Variants in NACC2 observed in about 807,000 individuals in gnomAD.
NACC2 encodes nucleus accumbens-associated protein 2.
In NACC2, 8 loss-of-function variants were observed where a neutral mutation model predicts 25.1. That is an observed-to-expected ratio of 0.32 (90% CI 0.19 to 0.57). NACC2 has a LOEUF of 0.57. Among genes scored for constraint, NACC2 ranks in the 20% least tolerant of loss-of-function variants. The probability of loss-of-function intolerance (pLI) is 0.89; values close to 1 mark genes in which losing one functional copy is unlikely to be tolerated. For missense variants in NACC2, 644 were observed against 650.2 expected (o/e 0.99, Z 0.10); for synonymous variants, 435 against 294.7 (o/e 1.48, Z -4.88).
intron 2 of NACC2, among the ~76,000 whole-genome samples, chr9:136,029,101 A>C (rs1384280154): frequency 6.6e-6 from 1 of 152,232 alleles, no homozygotes; most frequent in Non-Finnish European, 1.5e-5. Flanking sequence ...AATGGCCTGA[A>C]GCCCAGGGCC....
At position 136,018,095 on chromosome 9, in the gene NACC2, G is replaced by C. The variant is rs745366824; in HGVS notation, c.887-1666C>G. Among the ~76,000 whole-genome samples, 22 of 152,172 alleles carry C rather than the reference G, an allele frequency of 1.4e-4. No homozygotes were observed. Among genetic ancestry groups the C allele is most frequent in the Non-Finnish European group, 2.9e-4 (20 of 68,004 alleles). The stretch of plus-strand genomic sequence containing the variant: ...GGGTGGGGTGGAACCTGCACGTCCA[G>C]CAGGCTCGGGGCAGGCAGCTCCATG... On this transcript the variant is annotated intron_variant, in intron 2 of 5. Transcript: ENST00000277554. The surrounding 1 kb of genome is among the most constrained non-coding windows in gnomAD (Gnocchi z 4.4).
In NACC2 at chr9:136,018,919, G is replaced by A. The variant is rs1241927231; in HGVS notation, c.887-2490C>T. Among the ~76,000 whole-genome samples, 1 of 152,042 alleles carries A rather than the reference G, an allele frequency of 6.6e-6. No homozygotes were observed. The highest frequency in any genetic ancestry group is 1.9e-4 in the East Asian group (1 of 5,152). On this transcript the variant is annotated intron_variant, in intron 2 of 5. Coordinates refer to ENST00000277554, the MANE Select transcript of NACC2 (RefSeq NM_144653.5). The surrounding 1 kb of genome is among the most constrained non-coding windows in gnomAD (Gnocchi z 4.4). ...ATAATTCCCCATCCACAACCACCTC[G>A]TCTCGAGATGTTTTTCTAAACAGCA...
intron 1 of NACC2, among the ~76,000 whole-genome samples, chr9:136,068,740 A>C (rs527547967): frequency 6.6e-6 from 1 of 151,804 alleles, no homozygotes; most frequent in South Asian, 2.1e-4. Context: ...AAATAAAAAC[A>C]CAGATAAACC....
chr9:136,069,780 C>G (rs549927641), intron 1 of NACC2, among the ~76,000 whole-genome samples: 1 of 151,914 alleles, frequency 6.6e-6, no homozygotes, highest in South Asian at 2.1e-4. Flanking sequence ...ACACAGCAAT[C>G]CTAAATGTCC....
intron 2 of NACC2, among the ~76,000 whole-genome samples, chr9:136,024,984 A>C (rs1042631673): frequency 6.6e-6 from 1 of 152,230 alleles, no homozygotes; most frequent in Non-Finnish European, 1.5e-5. Context: ...CTGACTACTA[A>C]GTAGCCATGC....
intron 2 of NACC2, among the ~76,000 whole-genome samples, chr9:136,029,386 T>C (rs1458521835): frequency 2.6e-5 from 4 of 152,178 alleles, no homozygotes; most frequent in Non-Finnish European, 5.9e-5. Flanking sequence ...TGTCCCTCAA[T>C]AAAGCATTTC....
intron 3 of NACC2, among the ~76,000 whole-genome samples, chr9:136,014,868 C>T (rs766138829): frequency 7.9e-5 from 12 of 152,202 alleles, no homozygotes; most frequent in Non-Finnish European, 1.6e-4. Context: ...AGGTGTCCCA[C>T]CAGGGTCTGG....
intron 1 of NACC2, among the ~76,000 whole-genome samples, chr9:136,091,529 G>A (rs1830433566): frequency 6.6e-6 from 1 of 152,242 alleles, no homozygotes; most frequent in African/African-American, 2.4e-5. Flanking sequence ...GATCCCCTGT[G>A]TGGACAGGGG....
intron 1 of NACC2, among the ~76,000 whole-genome samples, chr9:136,071,283 G>A (rs1038449656): frequency 1.1e-4 from 16 of 151,236 alleles, no homozygotes; most frequent in African/African-American, 2.9e-4. Context: ...GGTGGCTCAC[G>A]CCTATAATCC....
At chr9:136,061,842 G>A (rs1266125254) in intron 1 of NACC2, among the ~76,000 whole-genome samples, 5 of 152,132 alleles carry the variant, frequency 3.3e-5, no homozygotes, top group African/African-American at 7.2e-5. Flanking sequence ...GTTGGTGGCC[G>A]GGCGCGGTGG....
At chr9:136,016,575 C>A in intron 2 of NACC2, 146 bp from the exon 3 acceptor site, 2 of 929,494 alleles carry the variant, frequency 2.2e-6, no homozygotes. Flanking sequence ...CTGTGCCGCT[C>A]TCCTGCTGGC....
At chr9:136,094,481 G>A (rs896035097) in intron 1 of NACC2, among the ~76,000 whole-genome samples, 1 of 151,962 alleles carries the variant, frequency 6.6e-6, no homozygotes, top group African/African-American at 2.4e-5. Context: ...TGCGGGGTGC[G>A]CGGCGGGCCC....
At chr9:136,014,306 C>T (rs531276116) in intron 3 of NACC2, among the ~76,000 whole-genome samples, 47 of 152,134 alleles carry the variant, frequency 3.1e-4, no homozygotes, top group Admixed American at 2.7e-3. Context: ...CCCAAGAACA[C>T]ACTTTGTTGT....
chr9:136,013,337 G>A lies in NACC2; in HGVS notation c.1158-41C>T. On this transcript the variant is annotated intron_variant, in intron 4 of 5. Coordinates refer to ENST00000277554, the MANE Select transcript of NACC2 (RefSeq NM_144653.5). The surrounding 1 kb of genome is among the most constrained non-coding windows in gnomAD (Gnocchi z 6.6). ...GAAAGGCAGGCAGGGTGAGGATGAT[G>A]GGGAGGGTACCTGGAGGCGACCCGC... 6.3e-7 allele frequency: 1 copy of A among 1,580,954 alleles called. No individual in the cohort carries two copies. Among genetic ancestry groups the A allele is most frequent in the Non-Finnish European group, 8.7e-7 (1 of 1,154,314 alleles).
At chr9:136,079,567 G>A (rs540907351) in intron 1 of NACC2, among the ~76,000 whole-genome samples, 19 of 152,286 alleles carry the variant, frequency 1.2e-4, no homozygotes, top group African/African-American at 4.6e-4. Flanking sequence ...GAAGGAACAG[G>A]CTGACTCACT....
chr9:136,021,878 T>C (rs775477660), intron 2 of NACC2, among the ~76,000 whole-genome samples: 9 of 152,242 alleles, frequency 5.9e-5, no homozygotes, highest in Admixed American at 4.6e-4. Context: ...TGTATGACAT[T>C]GTCCAGGAAA....
rs1298400005 is a variant in NACC2 at position 136,018,575 on chromosome 9, C to T, written c.887-2146G>A. The stretch of plus-strand genomic sequence containing the variant: ...CGTGGTACGCACTGCACCTGTCAGT[C>T]CCAGGAAGGGGAGCTTCCCAAGGCC... On this transcript the variant is annotated intron_variant, in intron 2 of 5. Transcript: ENST00000277554. This position sits in a 1 kb window ranked among gnomAD's most constrained non-coding sequence, Gnocchi z 4.4. Among the ~76,000 whole-genome samples the T allele has an allele frequency of 6.6e-6, 1 of 152,038 alleles. No homozygotes were observed. Among genetic ancestry groups the T allele is most frequent in the East Asian group, 1.9e-4 (1 of 5,162 alleles).
chr9:136,058,207 A>G (rs1476202209), intron 1 of NACC2, among the ~76,000 whole-genome samples: 1 of 152,198 alleles, frequency 6.6e-6, no homozygotes, highest in Non-Finnish European at 1.5e-5. Flanking sequence ...CAGGGAACCC[A>G]GGCTATGTCC....
chr9:136,026,502 GACT>G (rs1840392227), intron 2 of NACC2, among the ~76,000 whole-genome samples: 1 of 152,084 alleles, frequency 6.6e-6, no homozygotes, highest in African/African-American at 2.4e-5. Context: ...TGAGGAGACA[GACT>G]GAGGGGTCCC....
Sources: gnomAD v4.1 joint callset for allele counts (sites outside exome capture counted in the v4.1 genomes callset) on GRCh38, gnomAD v4.1.1 for gene constraint, Gnocchi (gnomAD v3.1) non-coding constraint, MANE v1.5 for transcripts, NCBI Gene and HGNC (gene_info 2026-07-23, HGNC 2026-07-21) for gene names.